Variants in SMAD9 observed in about 807,000 individuals in gnomAD.
SMAD9 encodes the protein SMAD family member 9.
A neutral mutation model predicts 46.1 loss-of-function variants in SMAD9; 36 were observed. That is an observed-to-expected ratio of 0.78 (90% confidence interval 0.60 to 1.03). The LOEUF (loss-of-function observed/expected upper bound fraction) is 1.03. SMAD9 is among the 50% of genes least tolerant of loss of function. The pLI, the probability that SMAD9 is intolerant of heterozygous loss-of-function variation, is 0.00. For synonymous variants in SMAD9, 245 were observed against 237.1 expected, an observed-to-expected ratio of 1.03 and a Z score of -0.31; for missense variants, 572 against 599.8, an observed-to-expected ratio of 0.95 and a Z score of 0.48.
intron 5 of SMAD9, among the ~76,000 whole-genome samples, chr13:36,855,194 A>G (rs1165087763): frequency 1.4e-5 from 2 of 145,532 alleles, no homozygotes; most frequent in African/African-American, 5.1e-5. Context: ...GGCTGCAGTG[A>G]GCGAAGATCA....
intron 3 of SMAD9, among the ~76,000 whole-genome samples, chr13:36,867,711 C>A: frequency 6.6e-6 from 1 of 152,204 alleles, no homozygotes; most frequent in East Asian, 1.9e-4. Context: ...AGTCTGTGAT[C>A]TGGCTTGCAA....
intron 3 of SMAD9, among the ~76,000 whole-genome samples, chr13:36,869,055 A>G (rs1387656414): frequency 6.6e-6 from 1 of 152,166 alleles, no homozygotes; most frequent in Non-Finnish European, 1.5e-5. Context: ...AGGTACTTGC[A>G]ATAGGCAAAT....
chr13:36,882,282 C>T lies in SMAD9; in HGVS notation c.-186-2407G>A, dbSNP rs1325926021. ...GTGTATGTGTGTGCGGTGTATGTGT[C>T]CAGGGTTACAATGGAAAATTTACTT... On this transcript the variant is annotated intron_variant, in intron 1 of 6. Coordinates refer to ENST00000379826, the MANE Select transcript of SMAD9 (RefSeq NM_001127217.3). Among the ~76,000 whole-genome samples the T allele has an allele frequency of 3.4e-5, 5 of 148,424 alleles. 1 individual carries two copies. The Admixed American group carries it at 3.4e-4, about 10-fold the overall frequency.
chr13:36,854,430 C>G lies in SMAD9; in HGVS notation c.1004-755G>C, dbSNP rs548334817. Among the ~76,000 whole-genome samples, 33 of 151,758 alleles carry G rather than the reference C, an allele frequency of 2.2e-4. No homozygotes were observed. In the South Asian group the frequency reaches 3.5e-3, roughly 16 times the overall value. ...TCGCCTAGGCTGGAGTGCAGTGGCA[C>G]GATTTCAGCTCACTGCAACCTCTGC... is the stretch of plus-strand genomic sequence containing the variant. On this transcript the variant is annotated intron_variant, in intron 5 of 6. Coordinates refer to ENST00000379826, the MANE Select transcript of SMAD9 (RefSeq NM_001127217.3).
Position 36,846,903 on chromosome 13 carries a change from C to A in SMAD9, c.*1773G>T, listed in dbSNP as rs2138243529. 1 of 152,270 alleles carries A rather than the reference C, an allele frequency of 6.6e-6. No individual in the cohort carries two copies. The highest frequency in any genetic ancestry group is 3.4e-3 in the Middle Eastern group (1 of 294). 9.4% of individuals were successfully genotyped at this position (152,270 alleles called of 1,614,324 possible). ...GATTCACTATTAGGTTCTCGGCTCC[C>A]TGAGGGCTGGGACTGTCTCTTATTT... On this transcript the variant is annotated 3_prime_UTR_variant, in exon 7 of 7. Transcript: ENST00000379826.
chr13:36,861,929 CAAA>C (rs1478769358), intron 5 of SMAD9, among the ~76,000 whole-genome samples: 3 of 118,014 alleles, frequency 2.5e-5, no homozygotes, highest in African/African-American at 6.3e-5. Context: ...ACTCCCGTCT[CAAA>C]AAAAAAAAAA....
chr13:36,891,517 T>C (rs73535751), intron 1 of SMAD9, among the ~76,000 whole-genome samples: 4,061 of 152,344 alleles, frequency 0.027, 178 homozygotes, highest in African/African-American at 0.092. Flanking sequence ...TTGTTTTATA[T>C]TGTTTTTATT....
At position 36,853,907 on chromosome 13, in the gene SMAD9, C is replaced by T. The variant is rs112965356; in HGVS notation, c.1004-232G>A. 1.4e-3 allele frequency among the ~76,000 whole-genome samples: 219 copies of T among 152,232 alleles called. 1 individual carries two copies. Among genetic ancestry groups the T allele is most frequent in the Non-Finnish European group, 2.6e-3 (174 of 68,018 alleles). On this transcript the variant is annotated intron_variant, in intron 5 of 6. Coordinates refer to ENST00000379826, the MANE Select transcript of SMAD9 (RefSeq NM_001127217.3). Reference sequence around the variant, plus strand: ...GGTGCGGTGGCTCACGCCTGTAATCCCAGCACTTTGGAAGCCCGACGTGGG... The same window carrying T: ...GGTGCGGTGGCTCACGCCTGTAATCTCAGCACTTTGGAAGCCCGACGTGGG...
chr13:36,876,547 T>C (rs966751185), intron 2 of SMAD9, among the ~76,000 whole-genome samples: 2 of 152,204 alleles, frequency 1.3e-5, no homozygotes, highest in African/African-American at 4.8e-5. Flanking sequence ...ATTGGGCTTA[T>C]ATTTTCTAAG....
Position 36,865,422 on chromosome 13 carries a change from G to T in SMAD9, c.1003+115C>A, listed in dbSNP as rs897056933. ...GCTATCTCAGAGCTCACCAGCCCTG[G>T]GGTCCTTCCACAGGGGCACATGACC... On this transcript the variant is annotated intron_variant, in intron 5 of 6. Transcript: ENST00000379826. The T allele has an allele frequency of 8.7e-6, 7 of 807,836 alleles. No individual in the cohort carries two copies. The Admixed American group carries it at 1.3e-4, about 16-fold the overall frequency. The allele number at this position is 807,836 out of a possible 1,614,324, so 50.0% of individuals were successfully genotyped here.
intron 1 of SMAD9, among the ~76,000 whole-genome samples, chr13:36,885,599 G>C (rs2058438560): frequency 6.6e-6 from 1 of 151,972 alleles, no homozygotes. Context: ...GCTGTATTCT[G>C]AGGTTTCCTA....
At chr13:36,853,397 C>T (rs759598346) in intron 6 of SMAD9, 22 bp downstream of exon 6, 14 of 1,612,566 alleles carry the variant, frequency 8.7e-6, no homozygotes, top group South Asian at 3.3e-5. Flanking sequence ...CATTTTATAA[C>T]GTGATAGCAA....
At chr13:36,911,385 A>G (rs1484540548) in intron 1 of SMAD9, among the ~76,000 whole-genome samples, 1 of 152,198 alleles carries the variant, frequency 6.6e-6, no homozygotes, top group Non-Finnish European at 1.5e-5. Flanking sequence ...AACGCAATAC[A>G]ATAAATTTCT....
At chr13:36,871,915 T>C (rs1298345408) in intron 3 of SMAD9, among the ~76,000 whole-genome samples, 1 of 152,226 alleles carries the variant, frequency 6.6e-6, no homozygotes, top group Non-Finnish European at 1.5e-5. Context: ...AGGCAGATTG[T>C]AACATCTGGC....
chr13:36,859,981 A>G (rs1020101279), intron 5 of SMAD9, among the ~76,000 whole-genome samples: 1 of 152,114 alleles, frequency 6.6e-6, no homozygotes, highest in Non-Finnish European at 1.5e-5. Flanking sequence ...AGAAAAAAGA[A>G]AAAAAAGAAA....
At chr13:36,900,927 T>C (rs1309976723) in intron 1 of SMAD9, among the ~76,000 whole-genome samples, 5 of 144,066 alleles carry the variant, frequency 3.5e-5, no homozygotes, top group Admixed American at 3.4e-4. Flanking sequence ...CAGCAGTTTT[T>C]TCCTATTCTT....
At chr13:36,860,714 A>C (rs2058173147) in intron 5 of SMAD9, among the ~76,000 whole-genome samples, 1 of 151,884 alleles carries the variant, frequency 6.6e-6, no homozygotes, top group African/African-American at 2.4e-5. Context: ...CGTCCTCCCA[A>C]AGTGCTGGGA....
Position 36,845,391 on chromosome 13 carries a change from C to G in SMAD9, c.*3285G>C, listed in dbSNP as rs550402301. The G allele has an allele frequency of 6.6e-6, 1 of 152,272 alleles. No individual in the cohort carries two copies. Among genetic ancestry groups the G allele is most frequent in the Non-Finnish European group, 1.5e-5 (1 of 68,012 alleles). 9.4% of individuals were successfully genotyped at this position (152,272 alleles called of 1,614,324 possible). ...CTTTATAGTTCCAAAGCACTCGCAG[C>G]TATTAAAATATCATCTAGCTAAAAC... On this transcript the variant is annotated 3_prime_UTR_variant, in exon 7 of 7. Coordinates refer to ENST00000379826, the MANE Select transcript of SMAD9 (RefSeq NM_001127217.3).
At chr13:36,852,083 A>G (rs921250515) in intron 6 of SMAD9, 1 of 976,350 alleles carries the variant, frequency 1.0e-6, no homozygotes, top group Admixed American at 6.2e-5. Context: ...ATATGCTTTC[A>G]AAACACTAAA....
Sources: allele counts gnomAD v4.1 joint callset (sites outside exome capture counted in the v4.1 genomes callset), GRCh38; gene constraint gnomAD v4.1.1; transcripts MANE v1.5; gene names NCBI Gene and HGNC (gene_info 2026-07-23, HGNC 2026-07-21).